The following HSPA14 variants were observed in gnomAD, a reference collection of about 807,000 sequenced individuals.
HSPA14 encodes the protein heat shock protein family A (Hsp70) member 14.
In HSPA14, 37 loss-of-function variants were observed where a neutral mutation model predicts 65.5. The ratio of observed to expected loss-of-function variants is 0.56; its 90% CI spans 0.43 to 0.74. HSPA14 has a LOEUF of 0.74. HSPA14 is among the 30% of genes least tolerant of loss of function. The probability of loss-of-function intolerance (pLI) is 0.00; values close to 1 mark genes in which losing one functional copy is unlikely to be tolerated. For synonymous variants in HSPA14, 203 were observed against 214.2 expected (o/e 0.95, Z 0.46); for missense variants, 564 against 607.6 (o/e 0.93, Z 0.75).
chr10:14,838,326 A>G lies in HSPA14; in HGVS notation c.-77A>G. On this transcript the variant is annotated 5_prime_UTR_variant, in exon 1 of 14. It removes an upstream start codon present in the reference 5' UTR. Coordinates refer to ENST00000378372, the MANE Select transcript of HSPA14 (RefSeq NM_016299.4). ...GGAACGTGAAGCTCCGCGGTGCCTG[A>G]TGGGGCCGTTGGGCGGCCGGTAGCT... 2 of 1,430,514 alleles carry G rather than the reference A, an allele frequency of 1.4e-6. No individual in the cohort carries two copies. The highest frequency in any genetic ancestry group is 9.6e-7 in the Non-Finnish European group (1 of 1,045,636). The allele number at this position is 1,430,514 out of a possible 1,614,324, so 88.6% of individuals were successfully genotyped here.
At position 14,848,729 on chromosome 10, in the gene HSPA14, T is replaced by C. The variant is rs879056361; in HGVS notation, c.271-61T>C. ...CAAGGTGATAACATGGAATGTTGAT[T>C]TGAAACTTTGCATTTTTATTAAAAA... On this transcript the variant is annotated intron_variant, in intron 4 of 13. Coordinates refer to ENST00000378372, the MANE Select transcript of HSPA14 (RefSeq NM_016299.4). 6 of 1,453,154 alleles carry C rather than the reference T, an allele frequency of 4.1e-6. No homozygotes were observed. The South Asian group carries it at 7.4e-5, about 18-fold the overall frequency. 90.0% of individuals were successfully genotyped at this position (1,453,154 alleles called of 1,614,324 possible).
intron 12 of HSPA14, among the ~76,000 whole-genome samples, chr10:14,869,320 G>A (rs959219947): frequency 1.3e-5 from 2 of 148,342 alleles, no homozygotes; most frequent in African/African-American, 5.0e-5. Context: ...TTTTTAAGAC[G>A]GCATCTTGCT....
At chr10:14,855,778 C>A in intron 9 of HSPA14, 63 bp from the exon 10 acceptor site, 1 of 815,048 alleles carries the variant, frequency 1.2e-6, no homozygotes, top group South Asian at 1.6e-5. Context: ...TGTACTGAGC[C>A]CCGTTTTATC....
At chr10:14,864,192 G>A (rs2131647029) in intron 10 of HSPA14, among the ~76,000 whole-genome samples, 1 of 143,806 alleles carries the variant, frequency 7.0e-6, no homozygotes, top group Admixed American at 7.1e-5. Context: ...CTGTACCACT[G>A]CAACTCCAGC....
At position 14,848,587 on chromosome 10, in the gene HSPA14, CTT is replaced by C. The variant is rs777799732; in HGVS notation, c.222-20_222-19del. On this transcript the variant is annotated intron_variant, in intron 3 of 13. Coordinates refer to ENST00000378372, the MANE Select transcript of HSPA14 (RefSeq NM_016299.4). ...AATACTGATTTTAATACTTAGCTAT[CTT>C]TATCTTTCTTTATGGACAGCTCCAG... 9 of 1,585,858 alleles carry C rather than the reference CTT, an allele frequency of 5.7e-6. No individual in the cohort carries two copies. Among genetic ancestry groups the C allele is most frequent in the African/African-American group, 1.3e-5 (1 of 74,268 alleles).
At chr10:14,860,673 A>G (rs1181188765) in intron 10 of HSPA14, among the ~76,000 whole-genome samples, 1 of 152,094 alleles carries the variant, frequency 6.6e-6, no homozygotes, top group Non-Finnish European at 1.5e-5. Flanking sequence ...GAGACGGTGG[A>G]CAGAGGTGAG....
rs573546641 is a variant in HSPA14, at chr10:14,849,946, T to C, written c.467+135T>C. The C allele has an allele frequency of 5.1e-5, 31 of 610,916 alleles. 1 individual carries two copies. In the South Asian group the frequency reaches 5.2e-4, roughly 10 times the overall value. 37.8% of individuals were successfully genotyped at this position (610,916 alleles called of 1,614,324 possible). A position where few individuals can be genotyped will look rare whatever the true frequency, so the allele number is the denominator to read the frequency against. On this transcript the variant is annotated intron_variant, in intron 6 of 13. Transcript: ENST00000378372. ...TGTAAATAATTTAGTAAGGTAATGA[T>C]CATTTTTATATGTATATATTTGATG...
chr10:14,840,421 TCACATTTTTAGATTTTTTTTAACTG>T (rs1360286620), intron 3 of HSPA14, among the ~76,000 whole-genome samples: 1 of 152,206 alleles, frequency 6.6e-6, no homozygotes, highest in African/African-American at 2.4e-5. Flanking sequence ...TTTGGATTGT[TCACATTTTTAGATTTTTTTTAACTG>T]AGAGGATTTC....
chr10:14,841,764 C>T (rs768517545), intron 3 of HSPA14, among the ~76,000 whole-genome samples: 2 of 152,208 alleles, frequency 1.3e-5, no homozygotes, highest in Admixed American at 6.5e-5. Flanking sequence ...AGAGCCACAG[C>T]GTGCTGTGAT....
intron 10 of HSPA14, among the ~76,000 whole-genome samples, chr10:14,859,150 G>A (rs954543500): frequency 6.6e-6 from 1 of 152,080 alleles, no homozygotes; most frequent in Non-Finnish European, 1.5e-5. Context: ...GGTTCGTGCT[G>A]TATCTTTGTA....
intron 3 of HSPA14, chr10:14,843,224 A>T: frequency 9.9e-7 from 1 of 1,009,490 alleles, no homozygotes; most frequent in Non-Finnish European, 1.4e-6. Context: ...TGTCCAGATT[A>T]AGGAAATGGA....
intron 3 of HSPA14, among the ~76,000 whole-genome samples, chr10:14,847,381 T>C (rs1003139589): frequency 1.3e-5 from 2 of 152,230 alleles, no homozygotes; most frequent in African/African-American, 2.4e-5. Context: ...TTTCCTATTC[T>C]TAAAGTGTTT....
chr10:14,842,245 T>G lies in HSPA14; in HGVS notation c.221+2088T>G. On this transcript the variant is annotated intron_variant, in intron 3 of 13. Coordinates refer to ENST00000378372, the MANE Select transcript of HSPA14 (RefSeq NM_016299.4). The surrounding 1 kb of genome is among the most constrained non-coding windows in gnomAD (Gnocchi z 5.2). ...TCCCCACACCTTCAGACTTGCACCT[T>G]GCTGTCCAGAAGCTGCCTAGCCCTC... The G allele has an allele frequency of 6.5e-7, 1 of 1,535,574 alleles. No homozygotes were observed. Among genetic ancestry groups the G allele is most frequent in the Non-Finnish European group, 8.7e-7 (1 of 1,146,564 alleles).
chr10:14,866,088 T>C (rs1285083788), intron 10 of HSPA14, among the ~76,000 whole-genome samples: 1 of 152,186 alleles, frequency 6.6e-6, no homozygotes, highest in Non-Finnish European at 1.5e-5. Context: ...TAAAGCTTTT[T>C]TGATGTTGAA....
intron 3 of HSPA14, chr10:14,846,056 A>T: frequency 1.0e-6 from 1 of 974,304 alleles, no homozygotes; most frequent in East Asian, 1.1e-4. Flanking sequence ...TTAAGGTAGC[A>T]TTCTGTGGTA....
chr10:14,838,641 C>G, intron 1 of HSPA14, 182 bp downstream of exon 1: 3 of 581,388 alleles, frequency 5.2e-6, no homozygotes, highest in Non-Finnish European at 8.7e-6. Context: ...GCGATTCCTC[C>G]GGAAAGTCGT....
chr10:14,846,161 G>T (rs1834049997), intron 3 of HSPA14: 1 of 984,706 alleles, frequency 1.0e-6, no homozygotes, highest in African/African-American at 1.7e-5. Context: ...GCATTGAAAT[G>T]GATACAGCTA....
At chr10:14,843,917 CT>C in intron 3 of HSPA14, 1 of 1,534,928 alleles carries the variant, frequency 6.5e-7, no homozygotes, top group African/African-American at 1.4e-5. Context: ...AAAGGCTCTG[CT>C]TCCTAAACTG....
chr10:14,860,002 G>C (rs971483269), intron 10 of HSPA14, among the ~76,000 whole-genome samples: 1 of 151,986 alleles, frequency 6.6e-6, no homozygotes, highest in Non-Finnish European at 1.5e-5. Context: ...TCACAAAGTT[G>C]GTATCTGTTC....
Sources: gnomAD v4.1 joint callset for allele counts (sites outside exome capture counted in the v4.1 genomes callset) on GRCh38, gnomAD v4.1.1 for gene constraint, Gnocchi (gnomAD v3.1) non-coding constraint, MANE v1.5 for transcripts, NCBI Gene and HGNC (gene_info 2026-07-23, HGNC 2026-07-21) for gene names.